Variants in FAM153A observed in about 807,000 individuals in gnomAD.
FAM153A encodes the protein protein FAM153A.
FAM153A carries 12 observed loss-of-function variants against 48.1 expected under a neutral mutation model. The observed-to-expected ratio is 0.25, with a 90% CI of 0.16 to 0.40. The LOEUF is 0.40. Ranked by LOEUF, FAM153A falls within the 10% of genes least tolerant of loss-of-function variation. FAM153A has a pLI of 1.00. For missense variants in FAM153A, 111 were observed against 345.8 expected, an observed-to-expected ratio of 0.32 and a Z score of 5.38; for synonymous variants, 36 against 118.2, an observed-to-expected ratio of 0.30 and a Z score of 4.51.
At chr5:177,754,295 G>A (rs1189220631), upstream of FAM153A, among the ~76,000 whole-genome samples, 9 of 151,952 alleles carry the variant, frequency 5.9e-5, no homozygotes, top group East Asian at 7.7e-4. Context: ...GGGTAGGGGC[G>A]CCCGCCATTG....
At chr5:177,698,446 T>G in the FAM153A span, among the ~76,000 whole-genome samples, 6 of 151,886 alleles carry the variant, frequency 4.0e-5, no homozygotes, top group African/African-American at 1.5e-4. Context: ...ACTGACAAAC[T>G]TGGACACGGT....
intron 1 of FAM153A, chr5:177,753,158 G>A (rs1423175573): frequency 2.5e-6 from 4 of 1,608,010 alleles, no homozygotes; most frequent in Middle Eastern, 3.3e-4. Flanking sequence ...GTCAGAAGAT[G>A]GAAATGAACA....
At chr5:177,699,769 C>G in the FAM153A span, among the ~76,000 whole-genome samples, 3 of 151,944 alleles carry the variant, frequency 2.0e-5, no homozygotes, top group Admixed American at 2.0e-4. Context: ...GTGAATTCTA[C>G]CAAACATGTA....
chr5:177,768,340 T>C (rs2127717581), intron 1 of FAM153A, among the ~76,000 whole-genome samples: 1 of 152,202 alleles, frequency 6.6e-6, no homozygotes, highest in Non-Finnish European at 1.5e-5. Flanking sequence ...TTCATTATAT[T>C]GGCATCACTG....
At chr5:177,762,387 C>T (rs1427006454) in intron 1 of FAM153A, among the ~76,000 whole-genome samples, 1 of 143,290 alleles carries the variant, frequency 7.0e-6, no homozygotes, top group African/African-American at 2.5e-5. Context: ...CCTGGGGGAG[C>T]AGCTGCCATA....
downstream of FAM153A, among the ~76,000 whole-genome samples, chr5:177,704,753 A>G (rs915016259): frequency 6.6e-6 from 1 of 151,716 alleles, no homozygotes; most frequent in African/African-American, 2.4e-5. Context: ...GCCTCTGAGC[A>G]CTTTGGGAGG....
the FAM153A span, among the ~76,000 whole-genome samples, chr5:177,696,637 A>G: frequency 6.7e-6 from 1 of 149,076 alleles, no homozygotes. Context: ...ATTGATCTAT[A>G]TGTCAATCCC....
At chr5:177,705,658 CT>C (rs70994931), downstream of FAM153A, among the ~76,000 whole-genome samples, 40,595 of 79,976 alleles carry the variant, frequency 0.51, 6,636 homozygotes, top group Middle Eastern at 0.61. Context: ...TTTTCTTTTT[CT>C]TTTTTTTTTT....
intron 1 of FAM153A, among the ~76,000 whole-genome samples, chr5:177,766,373 T>C (rs1768761466): frequency 1.3e-5 from 1 of 77,502 alleles, no homozygotes; most frequent in African/African-American, 4.2e-5. Flanking sequence ...TGTAATTCTA[T>C]GTGCTTTTGA....
chr5:177,702,118 C>T, the FAM153A span, among the ~76,000 whole-genome samples: 1 of 151,778 alleles, frequency 6.6e-6, no homozygotes, highest in African/African-American at 2.4e-5. Context: ...CCGTGTTAGC[C>T]AGGATGGTCT....
In FAM153A at chr5:177,714,261, G is replaced by C. The variant is rs1759137548; in HGVS notation, c.*1223-345C>G. On this transcript the variant is annotated intron_variant and NMD_transcript_variant, in intron 25 of 26. Transcript: ENST00000360669. ...TATGTTCATATCATTGCCACTTCTA[G>C]CCACAAATTAGGAGTCAGGATTAAG... 1.3e-5 allele frequency: 2 copies of C among 150,956 alleles called. 1 individual carries two copies. Among genetic ancestry groups the C allele is most frequent in the African/African-American group, 4.9e-5 (2 of 40,658 alleles). The allele number at this position is 150,956 out of a possible 1,614,324, so 9.4% of individuals were successfully genotyped here. A position where few individuals can be genotyped will look rare whatever the true frequency, so the allele number is the denominator to read the frequency against.
At chr5:177,755,054 T>A (rs1054229617), upstream of FAM153A, among the ~76,000 whole-genome samples, 1 of 151,756 alleles carries the variant, frequency 6.6e-6, no homozygotes, top group African/African-American at 2.4e-5. Context: ...AGGAGGAAGT[T>A]CAAACCAATG....
At chr5:177,703,626 C>T (rs1275776972), downstream of FAM153A, among the ~76,000 whole-genome samples, 14 of 139,224 alleles carry the variant, frequency 1.0e-4, no homozygotes, top group South Asian at 2.4e-4. Context: ...GGTGATTGGA[C>T]CATGGAGGCG....
At chr5:177,709,093 CAAAAAAAAAAAAAAAAAAAAAA>C (rs56257501), downstream of FAM153A, among the ~76,000 whole-genome samples, 16 of 34,106 alleles carry the variant, frequency 4.7e-4, no homozygotes, top group East Asian at 9.6e-3. Flanking sequence ...GACTCCGTCT[CAAAAAAAAAAAAAAAAAAAAAA>C]AAAAAAAAAA....
chr5:177,725,293 A>G lies in FAM153A; in HGVS notation c.965-472T>C, dbSNP rs1244709512. Among the ~76,000 whole-genome samples the G allele has an allele frequency of 1.3e-4, 19 of 142,440 alleles. No homozygotes were observed. In the East Asian group the frequency reaches 2.7e-3, roughly 20 times the overall value. 93.4% of individuals were successfully genotyped at this position (142,440 alleles called of 152,430 possible). On this transcript the variant is annotated intron_variant, in intron 18 of 20. Transcript: ENST00000614127. Reference sequence around the variant, plus strand: ...CAAGGCTGCACTGCCAGGGCCTCCAATCAACCCACGGATCGCACCCTGGGT... The same window carrying G: ...CAAGGCTGCACTGCCAGGGCCTCCAGTCAACCCACGGATCGCACCCTGGGT...
At chr5:177,725,614 G>A (rs1381237316) in intron 18 of FAM153A, among the ~76,000 whole-genome samples, 1 of 151,548 alleles carries the variant, frequency 6.6e-6, no homozygotes, top group African/African-American at 2.5e-5. Flanking sequence ...TAGGAGGGAA[G>A]GTACCTGGAA....
At chr5:177,704,343 A>G (rs1351720688), downstream of FAM153A, among the ~76,000 whole-genome samples, 7 of 47,454 alleles carry the variant, frequency 1.5e-4, no homozygotes, top group African/African-American at 4.0e-4. Flanking sequence ...GCATGGTGGG[A>G]GGTGATTGGT....
exon 27 of FAM153A, chr5:177,711,932 A>G (rs1011136208): frequency 2.6e-5 from 4 of 151,918 alleles, no homozygotes; most frequent in African/African-American, 9.7e-5. Context: ...CATTACTGTT[A>G]CAAGAATAAC....
At chr5:177,773,095 G>A (rs1384095067) in intron 1 of FAM153A, among the ~76,000 whole-genome samples, 1 of 23,096 alleles carries the variant, frequency 4.3e-5, no homozygotes, top group Admixed American at 6.5e-4. Flanking sequence ...CATCTACACC[G>A]AAAACCCATC....
Sources: allele counts gnomAD v4.1 joint callset (sites outside exome capture counted in the v4.1 genomes callset), GRCh38; gene constraint gnomAD v4.1.1; transcripts MANE v1.5; gene names NCBI Gene and HGNC (gene_info 2026-07-23, HGNC 2026-07-21).